Variants in SEMA3A observed in about 807,000 individuals in gnomAD.
SEMA3A encodes semaphorin-3A.
Under a neutral mutation model 97.9 loss-of-function variants are expected in SEMA3A, and 29 were observed. The observed-to-expected ratio is 0.30, with a 90% CI of 0.22 to 0.40. The LOEUF is 0.40. Ranked by LOEUF, SEMA3A falls within the 10% of genes least tolerant of loss-of-function variation. The probability of loss-of-function intolerance (pLI) is 1.00; values close to 1 mark genes in which losing one functional copy is unlikely to be tolerated. For missense variants in SEMA3A, 763 were observed against 951.3 expected (o/e 0.80, Z 2.60); for synonymous variants, 321 against 323.7 (o/e 0.99, Z 0.09).
intron 1 of SEMA3A, among the ~76,000 whole-genome samples, chr7:84,415,521 T>C (rs1197091478): frequency 6.6e-6 from 1 of 152,142 alleles, no homozygotes; most frequent in African/African-American, 2.4e-5. Context: ...TATTTTCATA[T>C]TGCTTTCAAA....
chr7:84,289,708 T>C (rs1434398467), intron 3 of SEMA3A, among the ~76,000 whole-genome samples: 5 of 152,102 alleles, frequency 3.3e-5, no homozygotes, highest in Non-Finnish European at 5.9e-5. Flanking sequence ...TGGAAAACAG[T>C]GAGGCTATTC....
chr7:84,139,684 A>G (rs1027326132), intron 1 of SEMA3A, among the ~76,000 whole-genome samples: 8 of 152,202 alleles, frequency 5.3e-5, no homozygotes, highest in African/African-American at 1.9e-4. Flanking sequence ...AATTTCAAGT[A>G]GCAGTGTTGT....
chr7:84,262,483 G>A (rs1420624116), intron 3 of SEMA3A, among the ~76,000 whole-genome samples: 1 of 152,096 alleles, frequency 6.6e-6, no homozygotes, highest in African/African-American at 2.4e-5. Context: ...CCAAAGGCTG[G>A]GATTACAGGT....
chr7:84,317,718 G>A (rs1801543034), intron 2 of SEMA3A, among the ~76,000 whole-genome samples: 1 of 152,054 alleles, frequency 6.6e-6, no homozygotes, highest in African/African-American at 2.4e-5. Flanking sequence ...TATTGTGGTT[G>A]TTGAGTTGCC....
chr7:84,278,586 G>A (rs1800366950), intron 3 of SEMA3A, among the ~76,000 whole-genome samples: 1 of 152,136 alleles, frequency 6.6e-6, no homozygotes, highest in Non-Finnish European at 1.5e-5. Flanking sequence ...TGTACAAGAA[G>A]CATAGAGATA....
intron 2 of SEMA3A, among the ~76,000 whole-genome samples, chr7:84,354,449 C>T (rs889066771): frequency 1.3e-5 from 2 of 151,544 alleles, no homozygotes; most frequent in African/African-American, 4.8e-5. Context: ...TTTACTTCCC[C>T]TTCCATTTCT....
rs775348886 is a variant in SEMA3A at position 84,134,824 on chromosome 7, G to A, written c.240C>T (p.Phe80=). The change falls in exon 2 of 17, where the codon TTC becomes TTT. Residue 80 remains phenylalanine, a synonymous_variant. Coordinates refer to ENST00000265362, the MANE Select transcript of SEMA3A (RefSeq NM_006080.3). The part of the protein sequence containing the change: ...YVGAKDHIFS[F]DLVNIKDFQK... ...GAAAATCCTTGATATTAACCAGGTC[G>A]AATGAAAATATGTGATCCTTTGCTC... The A allele has an allele frequency of 7.3e-5, 117 of 1,612,476 alleles. No homozygotes were observed. The Admixed American group carries it at 1.3e-3, about 18-fold the overall frequency.
At chr7:84,477,001 C>T (rs1263157530) in intron 1 of SEMA3A, among the ~76,000 whole-genome samples, 1 of 149,992 alleles carries the variant, frequency 6.7e-6, no homozygotes, top group East Asian at 1.9e-4. Flanking sequence ...ACTTATCTTA[C>T]TTCTAGTTGT....
chr7:84,280,232 C>T (rs968625797), intron 3 of SEMA3A, among the ~76,000 whole-genome samples: 8 of 152,048 alleles, frequency 5.3e-5, no homozygotes, highest in Non-Finnish European at 7.4e-5. Flanking sequence ...AGTCATAGTT[C>T]GGCCTCCCGG....
upstream of SEMA3A, among the ~76,000 whole-genome samples, chr7:84,198,193 T>C (rs1251750533): frequency 3.3e-5 from 5 of 151,970 alleles, no homozygotes; most frequent in African/African-American, 1.2e-4. Flanking sequence ...TTTTTTTATT[T>C]TTTTATTTTA....
intron 2 of SEMA3A, among the ~76,000 whole-genome samples, chr7:84,357,020 A>G (rs1047401373): frequency 1.3e-5 from 2 of 151,864 alleles, no homozygotes; most frequent in African/African-American, 2.4e-5. Flanking sequence ...TATAGTATCA[A>G]TATTGATTAA....
At chr7:84,248,441 C>T (rs566785185) in intron 3 of SEMA3A, among the ~76,000 whole-genome samples, 3 of 152,178 alleles carry the variant, frequency 2.0e-5, no homozygotes, top group Admixed American at 2.0e-4. Flanking sequence ...GGGAAAAAAC[C>T]TTTTGCTTGG....
At chr7:84,292,365 C>T (rs1231004088) in intron 3 of SEMA3A, among the ~76,000 whole-genome samples, 1 of 151,424 alleles carries the variant, frequency 6.6e-6, no homozygotes, top group Non-Finnish European at 1.5e-5. Context: ...TTCTGCTAAG[C>T]ATTATTATTA....
intron 1 of SEMA3A, among the ~76,000 whole-genome samples, chr7:84,432,737 G>T (rs1430392178): frequency 6.6e-6 from 1 of 152,086 alleles, no homozygotes; most frequent in African/African-American, 2.4e-5. Context: ...TTTTGTGGCT[G>T]CATAGTATTT....
chr7:84,322,206 G>A (rs963463903), intron 2 of SEMA3A, among the ~76,000 whole-genome samples: 5 of 151,796 alleles, frequency 3.3e-5, no homozygotes, highest in African/African-American at 1.2e-4. Context: ...GATTATGAGA[G>A]TTACAATTCA....
chr7:84,202,581 C>G (rs1798382390), intron 3 of SEMA3A, among the ~76,000 whole-genome samples: 1 of 152,096 alleles, frequency 6.6e-6, no homozygotes, highest in Non-Finnish European at 1.5e-5. Flanking sequence ...CCACAGTGTG[C>G]AATCCAGCGC....
At chr7:84,384,792 C>T (rs553847573) in intron 1 of SEMA3A, among the ~76,000 whole-genome samples, 4 of 152,096 alleles carry the variant, frequency 2.6e-5, no homozygotes, top group Admixed American at 6.6e-5. Context: ...TCTTCCTAAC[C>T]TCTGGAGCAA....
chr7:83,974,840 G>A (rs1584494436), intron 15 of SEMA3A, among the ~76,000 whole-genome samples: 1 of 152,198 alleles, frequency 6.6e-6, no homozygotes, highest in Non-Finnish European at 1.5e-5. Flanking sequence ...TGGAGGGCTT[G>A]CTGGGCTAGT....
At chr7:84,418,264 A>T (rs924845109) in intron 1 of SEMA3A, among the ~76,000 whole-genome samples, 7 of 152,236 alleles carry the variant, frequency 4.6e-5, no homozygotes, top group Non-Finnish European at 7.4e-5. Flanking sequence ...CTTCACAATG[A>T]TGACAGATGA....
Sources: gnomAD v4.1 joint callset for allele counts (sites outside exome capture counted in the v4.1 genomes callset) on GRCh38, gnomAD v4.1.1 for gene constraint, MANE v1.5 for transcripts, NCBI Gene and HGNC (gene_info 2026-07-23, HGNC 2026-07-21) for gene names.